OXR1: variants seen among roughly 807,000 people sequenced by gnomAD.
The protein encoded by OXR1 is oxidation resistance protein 1.
Under a neutral mutation model 104.6 loss-of-function variants are expected in OXR1, and 41 were observed. That is an observed-to-expected ratio of 0.39 (90% CI 0.31 to 0.51). The LOEUF (loss-of-function observed/expected upper bound fraction) is 0.51. OXR1 is among the 20% of genes least tolerant of loss of function. The probability of loss-of-function intolerance (pLI) is 0.77; values close to 1 mark genes in which losing one functional copy is unlikely to be tolerated. For missense variants in OXR1, 955 were observed against 1,031.9 expected, an observed-to-expected ratio of 0.93 and a Z score of 1.02; for synonymous variants, 348 against 348.4, an observed-to-expected ratio of 1.00 and a Z score of 0.01.
At chr8:106,319,286 C>A (rs915827137) in intron 1 of OXR1, among the ~76,000 whole-genome samples, 2 of 152,162 alleles carry the variant, frequency 1.3e-5, no homozygotes, top group African/African-American at 4.8e-5. Context: ...AGACTGTCTT[C>A]CCTCTTTGCC....
At position 106,406,309 on chromosome 8, in the gene OXR1, T is replaced by C. The variant is rs529874816; in HGVS notation, c.23+46673T>C. Among the ~76,000 whole-genome samples, 6 of 152,288 alleles carry C rather than the reference T, an allele frequency of 3.9e-5. No individual in the cohort carries two copies. In the South Asian group the frequency reaches 1.2e-3, roughly 32 times the overall value. Reference sequence around the variant, plus strand: ...TAATAGAAGTTCACTTATTTTTTAATTAAAAAATTAAGATGTAATACCCAT... The same window carrying C: ...TAATAGAAGTTCACTTATTTTTTAACTAAAAAATTAAGATGTAATACCCAT... On this transcript the variant is annotated intron_variant, in intron 2 of 16. Transcript: ENST00000517566.
chr8:106,369,845 T>C (rs948098853), intron 2 of OXR1, among the ~76,000 whole-genome samples: 3 of 152,230 alleles, frequency 2.0e-5, no homozygotes, highest in African/African-American at 7.2e-5. Context: ...CTTCCAGCTT[T>C]GTCCATTTTG....
At chr8:106,296,208 T>C (rs1180810412) in intron 1 of OXR1, among the ~76,000 whole-genome samples, 1 of 152,164 alleles carries the variant, frequency 6.6e-6, no homozygotes, top group Admixed American at 6.5e-5. Context: ...CTCATTTCCT[T>C]GTTTTGCCCT....
chr8:106,367,265 G>A (rs1008588743), intron 2 of OXR1, among the ~76,000 whole-genome samples: 3 of 151,778 alleles, frequency 2.0e-5, no homozygotes, highest in Admixed American at 1.3e-4. Context: ...GGGTTTCACT[G>A]TGTTAGCCAG....
intron 3 of OXR1, among the ~76,000 whole-genome samples, chr8:106,533,223 G>T (rs1372296553): frequency 6.6e-6 from 1 of 152,208 alleles, no homozygotes; most frequent in Non-Finnish European, 1.5e-5. Context: ...GAGAACCAAT[G>T]ATCAGAGACA....
intron 2 of OXR1, among the ~76,000 whole-genome samples, chr8:106,376,348 T>C (rs1279685050): frequency 6.6e-6 from 1 of 152,226 alleles, no homozygotes; most frequent in East Asian, 1.9e-4. Context: ...TTTCTCATCA[T>C]CGTAAATTAT....
intron 11 of OXR1, among the ~76,000 whole-genome samples, chr8:106,723,930 C>G (rs1833086588): frequency 6.6e-6 from 1 of 152,010 alleles, no homozygotes; most frequent in South Asian, 2.1e-4. Flanking sequence ...GATGGGACTA[C>G]AGGTATGTGC....
At chr8:106,324,778 C>A (rs1289152077) in intron 1 of OXR1, among the ~76,000 whole-genome samples, 1 of 152,100 alleles carries the variant, frequency 6.6e-6, no homozygotes, top group Non-Finnish European at 1.5e-5. Flanking sequence ...TAGGCTTGGG[C>A]AAACTTTTTT....
intron 3 of OXR1, among the ~76,000 whole-genome samples, chr8:106,554,687 C>A (rs189591202): frequency 6.6e-6 from 1 of 152,190 alleles, no homozygotes; most frequent in Non-Finnish European, 1.5e-5. Context: ...ACTTATGTCA[C>A]CCCCAGATGT....
intron 6 of OXR1, among the ~76,000 whole-genome samples, chr8:106,684,802 G>T (rs1231696750): frequency 1.3e-5 from 2 of 152,078 alleles, no homozygotes; most frequent in Non-Finnish European, 2.9e-5. Context: ...TCCAAGAATT[G>T]ACATAGTAGA....
chr8:106,678,492 G>A (rs951539459), intron 3 of OXR1, among the ~76,000 whole-genome samples: 2 of 151,728 alleles, frequency 1.3e-5, no homozygotes, highest in African/African-American at 2.4e-5. Flanking sequence ...TGTTTAGGTA[G>A]GAGTGGTGTT....
chr8:106,433,695 G>A (rs28551523), intron 2 of OXR1, among the ~76,000 whole-genome samples: 34,426 of 151,972 alleles, frequency 0.23, 5,420 homozygotes, highest in African/African-American at 0.43. Context: ...TTGCAAAGGC[G>A]GATTCAGATT....
At chr8:106,561,495 C>A (rs867631323) in intron 3 of OXR1, among the ~76,000 whole-genome samples, 2 of 152,186 alleles carry the variant, frequency 1.3e-5, no homozygotes, top group Non-Finnish European at 2.9e-5. Flanking sequence ...ATAGATAAAA[C>A]TCCCATCTCC....
chr8:106,689,510 T>G (rs1829068893), intron 6 of OXR1, among the ~76,000 whole-genome samples: 1 of 152,046 alleles, frequency 6.6e-6, no homozygotes, highest in African/African-American at 2.4e-5. Context: ...ACCATAACAT[T>G]GCCTCATAAA....
chr8:106,612,101 T>TC (rs1261431923), intron 3 of OXR1, among the ~76,000 whole-genome samples: 1 of 151,864 alleles, frequency 6.6e-6, no homozygotes, highest in East Asian at 1.9e-4. Context: ...CTCCTTCAGT[T>TC]TTTTTTTGTA....
intron 2 of OXR1, among the ~76,000 whole-genome samples, chr8:106,496,531 C>T (rs151108501): frequency 6.6e-6 from 1 of 152,282 alleles, no homozygotes; most frequent in East Asian, 1.9e-4. Flanking sequence ...GCCATCATCT[C>T]CAACATTACT....
chr8:106,737,684 A>G, intron 12 of OXR1, 84 bp downstream of exon 12: 1 of 483,878 alleles, frequency 2.1e-6, no homozygotes, highest in Non-Finnish European at 3.4e-6. Context: ...ATCTCATTTG[A>G]AGAATTTGCT....
At chr8:106,327,812 T>A (rs1028063715) in intron 1 of OXR1, among the ~76,000 whole-genome samples, 4 of 152,234 alleles carry the variant, frequency 2.6e-5, no homozygotes. Context: ...AATCTATCGA[T>A]AAGCAAAGTA....
chr8:106,565,921 A>T (rs569153234), intron 3 of OXR1, among the ~76,000 whole-genome samples: 3 of 152,234 alleles, frequency 2.0e-5, no homozygotes, highest in African/African-American at 7.2e-5. Flanking sequence ...GACTAACCTT[A>T]TGCAGAAAAC....
Sources: gnomAD v4.1 joint callset for allele counts (sites outside exome capture counted in the v4.1 genomes callset) on GRCh38, gnomAD v4.1.1 for gene constraint, MANE v1.5 for transcripts, NCBI Gene and HGNC (gene_info 2026-07-23, HGNC 2026-07-21) for gene names.